The following ZDHHC13 variants were observed in gnomAD, a reference collection of about 807,000 sequenced individuals.
The protein encoded by ZDHHC13 is palmitoyltransferase ZDHHC13.
ZDHHC13 carries 85 observed loss-of-function variants against 86.0 expected under a neutral mutation model. That is an observed-to-expected ratio of 0.99 (90% CI 0.83 to 1.18). The LOEUF (loss-of-function observed/expected upper bound fraction) is 1.18. Ranked by LOEUF, ZDHHC13 falls within the 50% of genes most tolerant of loss-of-function variation. The pLI is 0.00. For synonymous variants in ZDHHC13, 263 were observed against 246.4 expected (o/e 1.07, Z -0.63); for missense variants, 711 against 730.2 (o/e 0.97, Z 0.30).
rs780997004 is a variant in ZDHHC13 at position 19,146,322 on chromosome 11, G to A, written c.296+19G>A. On this transcript the variant is annotated intron_variant, in intron 3 of 16. Coordinates refer to ENST00000446113, the MANE Select transcript of ZDHHC13 (RefSeq NM_019028.3). ...TTGTAAAGTAAGATGGGATATGTGT[G>A]TTAATTGTGTATTTATAATTTTAGA... is the stretch of plus-strand genomic sequence containing the variant. The A allele has an allele frequency of 6.2e-7, 1 of 1,600,724 alleles. No homozygotes were observed. The highest frequency in any genetic ancestry group is 1.1e-5 in the South Asian group (1 of 87,828).
chr11:19,138,272 ATAC>A, intron 1 of ZDHHC13, among the ~76,000 whole-genome samples: 1 of 152,036 alleles, frequency 6.6e-6, no homozygotes, highest in Non-Finnish European at 1.5e-5. Context: ...CCATCAGAGA[ATAC>A]TACAAACACC....
At chr11:19,124,946 G>A (rs982209732) in intron 1 of ZDHHC13, among the ~76,000 whole-genome samples, 64 of 152,110 alleles carry the variant, frequency 4.2e-4, no homozygotes, top group Non-Finnish European at 7.3e-5. Context: ...GCAGACGAGT[G>A]CTCTATGAGA....
At chr11:19,152,525 T>C (rs1849640608) in intron 7 of ZDHHC13, 34 bp from the exon 8 acceptor site, 1 of 1,538,098 alleles carries the variant, frequency 6.5e-7, no homozygotes, top group Admixed American at 2.2e-5. Flanking sequence ...ATATTAAAAA[T>C]ACTTTTAAAC....
At chr11:19,131,014 TTTTG>T (rs747648195) in intron 1 of ZDHHC13, among the ~76,000 whole-genome samples, 4 of 151,508 alleles carry the variant, frequency 2.6e-5, no homozygotes, top group South Asian at 2.1e-4. Flanking sequence ...CCCGGCTAAT[TTTTG>T]TTTGTTTGTT....
At chr11:19,155,740 T>C (rs1360801243) in intron 8 of ZDHHC13, 56 bp from the exon 9 acceptor site, 42 of 1,572,560 alleles carry the variant, frequency 2.7e-5, no homozygotes, top group Admixed American at 2.0e-5. Flanking sequence ...TGCACTATTA[T>C]TAGATACTTA....
In ZDHHC13 at chr11:19,117,369, A is replaced by T; in HGVS notation, c.27+93A>T. On this transcript the variant is annotated intron_variant, in intron 1 of 16. Transcript: ENST00000446113. The surrounding 1 kb of genome is among the most constrained non-coding windows in gnomAD (Gnocchi z 4.2). The stretch of plus-strand genomic sequence containing the variant: ...GGTGTGGGTGAGAGGCCGCTCGATG[A>T]GGGGGTTTCGGGAGCGGCGGGGCCT... 7.7e-7 allele frequency: 1 copy of T among 1,291,208 alleles called. No individual in the cohort carries two copies. The highest frequency in any genetic ancestry group is 3.0e-5 in the East Asian group (1 of 32,870). 80.0% of individuals were successfully genotyped at this position (1,291,208 alleles called of 1,614,324 possible).
At chr11:19,174,529 G>A (rs1850307150) in intron 16 of ZDHHC13, among the ~76,000 whole-genome samples, 14 of 152,236 alleles carry the variant, frequency 9.2e-5, no homozygotes, top group Admixed American at 8.5e-4. Flanking sequence ...CTTCTAAACA[G>A]CAACGCAGTC....
intron 1 of ZDHHC13, among the ~76,000 whole-genome samples, chr11:19,138,681 C>G (rs766762680): frequency 5.3e-5 from 8 of 149,820 alleles, no homozygotes; most frequent in African/African-American, 2.0e-4. Flanking sequence ...ACTGGCAAAC[C>G]GAATCCAGCA....
At position 19,150,653 on chromosome 11, in the gene ZDHHC13, G is replaced by T. The variant is rs1405260340; in HGVS notation, c.520-74G>T. On this transcript the variant is annotated intron_variant, in intron 5 of 16. Transcript: ENST00000446113. ...ATGGTAGTATTGAATGTATTAAAGA[G>T]ATATTTCTATTAAGAGAACAAATAG... 4 of 1,261,602 alleles carry T rather than the reference G, an allele frequency of 3.2e-6. No individual in the cohort carries two copies. The Admixed American group carries it at 5.2e-5, about 16-fold the overall frequency. The allele number at this position is 1,261,602 out of a possible 1,614,324, so 78.2% of individuals were successfully genotyped here. A position where few individuals can be genotyped will look rare whatever the true frequency, so the allele number is the denominator to read the frequency against.
At chr11:19,129,575 A>T (rs949791008) in intron 1 of ZDHHC13, among the ~76,000 whole-genome samples, 1 of 152,142 alleles carries the variant, frequency 6.6e-6, no homozygotes, top group Non-Finnish European at 1.5e-5. Context: ...TATTCTGTTA[A>T]TATGAATATT....
chr11:19,142,914 T>G, intron 1 of ZDHHC13, 64 bp from the exon 2 acceptor site: 2 of 1,465,818 alleles, frequency 1.4e-6, no homozygotes, highest in Non-Finnish European at 1.8e-6. Flanking sequence ...AGCAAATGCT[T>G]CATTATGTAA....
intron 1 of ZDHHC13, chr11:19,118,595 G>A (rs1031754257): frequency 6.6e-6 from 1 of 152,224 alleles, no homozygotes; most frequent in Non-Finnish European, 1.5e-5. Context: ...CATGCTGAAG[G>A]GAAGATTAGC....
intron 16 of ZDHHC13, among the ~76,000 whole-genome samples, chr11:19,175,543 T>A (rs1850341391): frequency 6.6e-6 from 1 of 152,002 alleles, no homozygotes; most frequent in African/African-American, 2.4e-5. Flanking sequence ...CAGTGGCCAG[T>A]CCATTAAGTG....
chr11:19,138,925 G>C (rs1432001342), intron 1 of ZDHHC13, among the ~76,000 whole-genome samples: 1 of 151,086 alleles, frequency 6.6e-6, no homozygotes, highest in Non-Finnish European at 1.5e-5. Context: ...AAAATAATAA[G>C]AGCTATCTAT....
chr11:19,157,772 A>C (rs1335913513), intron 9 of ZDHHC13, among the ~76,000 whole-genome samples: 1 of 152,248 alleles, frequency 6.6e-6, no homozygotes, highest in Non-Finnish European at 1.5e-5. Flanking sequence ...GTTGAAGCCT[A>C]CATTATAAAA....
intron 15 of ZDHHC13, among the ~76,000 whole-genome samples, chr11:19,170,958 T>C (rs1263892750): frequency 1.3e-5 from 2 of 152,214 alleles, no homozygotes. Flanking sequence ...ATTCAAGGGC[T>C]TTTTCCATTG....
intron 2 of ZDHHC13, among the ~76,000 whole-genome samples, chr11:19,145,858 G>T (rs990020316): frequency 6.6e-6 from 1 of 152,132 alleles, no homozygotes; most frequent in Non-Finnish European, 1.5e-5. Flanking sequence ...TAAGATTATT[G>T]TCAGGAATTG....
chr11:19,149,997 T>A (rs1336585735), intron 5 of ZDHHC13, among the ~76,000 whole-genome samples: 1 of 152,180 alleles, frequency 6.6e-6, no homozygotes, highest in Non-Finnish European at 1.5e-5. Flanking sequence ...AATTATAACC[T>A]CCTAGGTTTC....
At position 19,136,423 on chromosome 11, in the gene ZDHHC13, T is replaced by G. The variant is rs201409320; in HGVS notation, c.28-6555T>G. On this transcript the variant is annotated intron_variant, in intron 1 of 16. Transcript: ENST00000446113. The stretch of plus-strand genomic sequence containing the variant: ...AGCCTCCAAGAAATATGGGACTATG[T>G]GAAAAGACCAAATCTACGTCTGATT... 6.7e-4 allele frequency among the ~76,000 whole-genome samples: 102 copies of G among 152,086 alleles called. No homozygotes were observed. In the East Asian group the frequency reaches 0.017, roughly 26 times the overall value.
Sources: gnomAD v4.1 joint callset for allele counts (sites outside exome capture counted in the v4.1 genomes callset) on GRCh38, gnomAD v4.1.1 for gene constraint, Gnocchi (gnomAD v3.1) non-coding constraint, MANE v1.5 for transcripts, NCBI Gene and HGNC (gene_info 2026-07-23, HGNC 2026-07-21) for gene names.